FAM186A: variants seen among roughly 807,000 people sequenced by gnomAD.
FAM186A encodes the protein family with sequence similarity 186 member A.
A neutral mutation model predicts 216.8 loss-of-function variants in FAM186A; 163 were observed. That is an observed-to-expected ratio of 0.75 (90% CI 0.66 to 0.86). The LOEUF is 0.86. Ranked by LOEUF, FAM186A falls within the 40% of genes least tolerant of loss-of-function variation. The pLI, the probability that FAM186A is intolerant of heterozygous loss-of-function variation, is 0.00. For synonymous variants in FAM186A, 805 were observed against 1,025.3 expected, an observed-to-expected ratio of 0.79 and a Z score of 4.10; for missense variants, 2,184 against 2,746.2, an observed-to-expected ratio of 0.80 and a Z score of 4.58.
Position 50,350,919 on chromosome 12 carries a change from A to G in FAM186A, c.5913T>C (p.Pro1971=), listed in dbSNP as rs1942871059. 1 of 1,551,584 alleles carries G rather than the reference A, an allele frequency of 6.4e-7. No homozygotes were observed. Residue 1971 remains proline, a synonymous_variant, in exon 4 of 8, where the codon CCT becomes CCC. Transcript: ENST00000327337. Reference sequence around the variant, plus strand: ...GAGCTACCTTGAAATCTGGAGCACTAGGATGGATCAATACTGATTTAGATT... The same window carrying G: ...GAGCTACCTTGAAATCTGGAGCACTGGGATGGATCAATACTGATTTAGATT... ...SLKSKSVLIH[P]SAPDFKVAQV...
rs1943414378 is a variant in FAM186A at position 50,396,397 on chromosome 12, G to C, written c.88C>G (p.Gln30Glu). ...AGCATCAAAGGACTAAGGATATTTTGGGGCTCTCTTCTCATGATGGTGGAA... is the reference window on the plus strand; with the variant it reads ...AGCATCAAAGGACTAAGGATATTTTCGGGCTCTCTTCTCATGATGGTGGAA... ...KDSTIMRREP[Q>E]NILSPLMLPN... is the part of the protein sequence containing the mutation. Residue 30 changes from glutamine to glutamate, a missense_variant, in exon 1 of 8, where the codon CAA (glutamine) becomes GAA (glutamate). This residue lies in a region of FAM186A where 1,132 missense variants were observed against 1,263.4 expected (regional missense o/e 0.90). Transcript: ENST00000327337. 2 of 1,551,454 alleles carry C rather than the reference G, an allele frequency of 1.3e-6. No individual in the cohort carries two copies. The highest frequency in any genetic ancestry group is 1.7e-6 in the Non-Finnish European group (2 of 1,146,966).
At position 50,351,460 on chromosome 12, in the gene FAM186A, G is replaced by T. The variant is rs984408516; in HGVS notation, c.5372C>A (p.Ala1791Glu). ...TCCAGAGGAACGAAGAGTCTGTGGT[G>T]CCCCAAGCTTCCCAGGCTCAGAAAG... ...GILSEPGKLG[A>E]PQTLRSSGQT... Residue 1791 changes from alanine (A) to glutamate (E), a missense_variant, in exon 4 of 8, where the codon GCA becomes GAA. Ala to Glu is a moderately radical substitution (Grantham distance 107). Coordinates refer to ENST00000327337, the MANE Select transcript of FAM186A (RefSeq NM_001145475.3). The T allele has an allele frequency of 8.8e-6, 13 of 1,476,826 alleles. No individual in the cohort carries two copies. The Admixed American group carries it at 1.9e-4, about 21-fold the overall frequency. The allele number at this position is 1,476,826 out of a possible 1,614,324, so 91.5% of individuals were successfully genotyped here.
rs1943002905 is a variant in FAM186A, at chr12:50,358,796, G to A, written c.583+1960C>T. Reference sequence around the variant, plus strand: ...AAATTAACCATGCGTGGTGGCATGCGCCTGTAATCCCAGCTACTCGGGAGG... The same window carrying A: ...AAATTAACCATGCGTGGTGGCATGCACCTGTAATCCCAGCTACTCGGGAGG... On this transcript the variant is annotated intron_variant, in intron 3 of 7. Coordinates refer to ENST00000327337, the MANE Select transcript of FAM186A (RefSeq NM_001145475.3). 2.6e-5 allele frequency among the ~76,000 whole-genome samples: 4 copies of A among 151,076 alleles called. No individual in the cohort carries two copies. In the South Asian group the frequency reaches 6.3e-4, roughly 24 times the overall value.
chr12:50,344,275 T>C (rs1942792077), intron 4 of FAM186A, among the ~76,000 whole-genome samples: 1 of 152,144 alleles, frequency 6.6e-6, no homozygotes, highest in African/African-American at 2.4e-5. Context: ...ACTTCCTCTC[T>C]CCCCTACTAG....
At chr12:50,333,426 G>T (rs1399437678) in intron 5 of FAM186A, among the ~76,000 whole-genome samples, 1 of 152,072 alleles carries the variant, frequency 6.6e-6, no homozygotes, top group Non-Finnish European at 1.5e-5. Context: ...CATCTACTCG[G>T]GAGGCTGAAT....
At chr12:50,342,614 A>G (rs1244494889) in intron 4 of FAM186A, among the ~76,000 whole-genome samples, 2 of 151,558 alleles carry the variant, frequency 1.3e-5, no homozygotes, top group African/African-American at 4.8e-5. Context: ...AGCTGGGACT[A>G]CAGCTACATG....
At chr12:50,369,980 C>T (rs868408987) in intron 1 of FAM186A, among the ~76,000 whole-genome samples, 13 of 151,738 alleles carry the variant, frequency 8.6e-5, no homozygotes, top group African/African-American at 2.4e-4. Context: ...AAAAATTAGC[C>T]GGGCGTGGTG....
intron 4 of FAM186A, among the ~76,000 whole-genome samples, 183 bp from the exon 5 acceptor site, chr12:50,334,286 C>T (rs993144803): frequency 4.6e-5 from 7 of 151,764 alleles, no homozygotes; most frequent in Non-Finnish European, 8.8e-5. Context: ...ATTATCCTGC[C>T]TCAGCTTCCT....
chr12:50,344,972 C>G (rs1186337781), intron 4 of FAM186A, among the ~76,000 whole-genome samples: 1 of 152,030 alleles, frequency 6.6e-6, no homozygotes, highest in Admixed American at 6.6e-5. Flanking sequence ...CAAAACAAGG[C>G]CGAGCGCGGT....
intron 4 of FAM186A, among the ~76,000 whole-genome samples, chr12:50,337,915 TAAAC>T (rs36013156): frequency 0.18 from 26,852 of 151,256 alleles, 2,949 homozygotes; most frequent in East Asian, 0.3. Context: ...AACAAACAAA[TAAAC>T]AAACAAAATC....
At position 50,353,021 on chromosome 12, in the gene FAM186A, G is replaced by T; in HGVS notation, c.3811C>A (p.Gln1271Lys). ...QELGIPLTPQ[Q>K]AQALGITLTP... ...AGAGTGATCCCCAGGGCCTGGGCCT[G>T]CTGAGGAGTAAGAGGGATCCCCAGT... The change falls in exon 4 of 8, where the codon CAG (glutamine) becomes AAG (lysine). Residue 1271 changes from glutamine to lysine, a missense_variant. By Grantham distance (53) the Gln-to-Lys change is moderately conservative. Transcript: ENST00000327337. The T allele has an allele frequency of 2.6e-6, 4 of 1,538,596 alleles. No individual in the cohort carries two copies. The highest frequency in any genetic ancestry group is 3.5e-6 in the Non-Finnish European group (4 of 1,139,828).
intron 4 of FAM186A, among the ~76,000 whole-genome samples, chr12:50,345,441 G>T (rs971486559): frequency 6.6e-6 from 1 of 152,136 alleles, no homozygotes; most frequent in African/African-American, 2.4e-5. Context: ...AAACAGAATG[G>T]TATTTCCTAG....
Position 50,363,228 on chromosome 12 carries a change from A to G in FAM186A, c.329T>C (p.Leu110Pro). 6.4e-7 allele frequency: 1 copy of G among 1,551,628 alleles called. No individual in the cohort carries two copies. Among genetic ancestry groups the G allele is most frequent in the Non-Finnish European group, 8.7e-7 (1 of 1,146,970 alleles). ...CTTAGCGTAAGTAGCCATTTTCTCA[A>G]GAAAATTGGTTCTCTGTTTTTTCTT... is the stretch of plus-strand genomic sequence containing the variant. ...EHKKKQRTNF[L>P]EKMATYAKTI... The change falls in exon 2 of 8, where the codon CTT becomes CCT. Residue 110 changes from leucine to proline, a missense_variant. By Grantham distance (98) the Leu-to-Pro change is moderately conservative. Around this residue, in one of 7 missense-constraint regions of FAM186A, gnomAD observed 1,132 missense variants for 1,263.4 expected, o/e 0.90. Coordinates refer to ENST00000327337, the MANE Select transcript of FAM186A (RefSeq NM_001145475.3).
Position 50,351,898 on chromosome 12 carries a change from TG to T in FAM186A, c.4933del (p.Gln1645ArgfsTer10). On this transcript the variant is annotated frameshift_variant, in exon 4 of 8. Coordinates refer to ENST00000327337, the MANE Select transcript of FAM186A (RefSeq NM_001145475.3). LOFTEE classifies it high-confidence loss of function. ...TGGGGTGATGGGGACTCCCAGTGCCTGGGCCTGCTGAGGGGTGAGAGTGATC... is the reference window on the plus strand; with the variant it reads ...TGGGGTGATGGGGACTCCCAGTGCCTGGCCTGCTGAGGGGTGAGAGTGATC... Reference protein sequence around the residue: ...QGITLTPQQAQALGVPITPVN... With the variant: ...QGITLTPQQAXALGVPITPVN... 6.5e-7 allele frequency: 1 copy of T among 1,541,338 alleles called. No individual in the cohort carries two copies. Among genetic ancestry groups the T allele is most frequent in the Middle Eastern group, 1.7e-4 (1 of 5,930 alleles).
chr12:50,338,257 A>C (rs1039871313), intron 4 of FAM186A, among the ~76,000 whole-genome samples: 1 of 152,182 alleles, frequency 6.6e-6, no homozygotes, highest in South Asian at 2.1e-4. Context: ...GCTGGAGTAC[A>C]ATGGTGCAAT....
At chr12:50,339,490 G>T (rs952936332) in intron 4 of FAM186A, among the ~76,000 whole-genome samples, 1 of 152,058 alleles carries the variant, frequency 6.6e-6, no homozygotes, top group Admixed American at 6.6e-5. Context: ...TTAGGTGGAT[G>T]CCACCTAGTC....
intron 4 of FAM186A, among the ~76,000 whole-genome samples, chr12:50,335,477 C>T (rs1942698575): frequency 6.6e-6 from 1 of 151,880 alleles, no homozygotes; most frequent in African/African-American, 2.4e-5. Context: ...AACCCCATCT[C>T]CTCTAAAAAC....
intron 1 of FAM186A, among the ~76,000 whole-genome samples, chr12:50,378,224 C>CA (rs71083550): frequency 0.021 from 3,001 of 145,110 alleles, 86 homozygotes; most frequent in African/African-American, 0.07. Flanking sequence ...AACTCCATCT[C>CA]AAAAAAAAAA....
Position 50,356,094 on chromosome 12 carries a change from G to A in FAM186A, c.738C>T (p.Gly246=). The change falls in exon 4 of 8, where the codon GGC becomes GGT. Residue 246 remains glycine, a synonymous_variant. Coordinates refer to ENST00000327337, the MANE Select transcript of FAM186A (RefSeq NM_001145475.3). The part of the protein sequence containing the change: ...EIQGMLQELI[G]TTMFSTLENN... Reference sequence around the variant, plus strand: ...TTTCCAATGTACTGAACATTGTGGTGCCTATGAGTTCCTGTAGCATACCTT... The same window carrying A: ...TTTCCAATGTACTGAACATTGTGGTACCTATGAGTTCCTGTAGCATACCTT... 3.2e-6 allele frequency: 5 copies of A among 1,551,596 alleles called. No individual in the cohort carries two copies. Among genetic ancestry groups the A allele is most frequent in the Non-Finnish European group, 4.4e-6 (5 of 1,146,970 alleles).
Sources: gnomAD v4.1 joint callset for allele counts (sites outside exome capture counted in the v4.1 genomes callset) on GRCh38, gnomAD v4.1.1 for gene constraint, gnomAD v4.1.1 regional missense constraint, MANE v1.5 for transcripts, NCBI Gene and HGNC (gene_info 2026-07-23, HGNC 2026-07-21) for gene names.